CTSB: variants seen among roughly 807,000 people sequenced by gnomAD.
The protein encoded by CTSB is cathepsin B, also known as APP secretase.
A neutral mutation model predicts 44.3 loss-of-function variants in CTSB; 57 were observed. The ratio of observed to expected loss-of-function variants is 1.29; its 90% CI spans 1.04 to 1.60. The LOEUF is 1.60. Among genes scored for constraint, CTSB ranks in the 40% most tolerant of loss-of-function variants. CTSB has a pLI of 0.00. For missense variants in CTSB, 768 were observed against 443.0 expected, an observed-to-expected ratio of 1.73 and a Z score of -6.59; for synonymous variants, 320 against 168.0, an observed-to-expected ratio of 1.91 and a Z score of -7.00.
intron 3 of CTSB, among the ~76,000 whole-genome samples, chr8:11,851,790 C>G (rs1343999410): frequency 6.6e-6 from 1 of 152,096 alleles, no homozygotes; most frequent in Non-Finnish European, 1.5e-5. Flanking sequence ...CCTCAGCCTC[C>G]CGAGTAGCTG....
chr8:11,848,989 G>T, intron 5 of CTSB, 57 bp downstream of exon 5: 4 of 1,328,204 alleles, frequency 3.0e-6, no homozygotes, highest in South Asian at 1.2e-5. Context: ...CCACTGAGAA[G>T]CTGGGGCCCA....
rs1812900994 is a variant in CTSB, at chr8:11,844,691, C to T, written c.*434G>A. ...CTGGCGTTCTCCAAAGGGCTCCCAA[C>T]ACCGTCTCTCCTCTGATTTCTGTGA... is the stretch of plus-strand genomic sequence containing the variant. On this transcript the variant is annotated 3_prime_UTR_variant, in exon 10 of 10. Coordinates refer to ENST00000353047, the MANE Select transcript of CTSB (RefSeq NM_001908.5). The T allele has an allele frequency of 1.2e-5, 2 of 165,516 alleles. No homozygotes were observed. The highest frequency in any genetic ancestry group is 5.8e-5 in the Admixed American group (1 of 17,154). 10.3% of individuals were successfully genotyped at this position (165,516 alleles called of 1,614,324 possible). A position where few individuals can be genotyped will look rare whatever the true frequency, so the allele number is the denominator to read the frequency against.
intron 8 of CTSB, 138 bp from the exon 9 acceptor site, chr8:11,845,927 CA>C (rs1365454977): frequency 1.3e-5 from 13 of 992,768 alleles, no homozygotes; most frequent in South Asian, 6.2e-5. Flanking sequence ...CAGGAGGCTC[CA>C]GGGGGGGTCC....
intron 1 of CTSB, among the ~76,000 whole-genome samples, chr8:11,855,646 T>G (rs1247036713): frequency 6.6e-6 from 1 of 152,224 alleles, no homozygotes; most frequent in Non-Finnish European, 1.5e-5. Context: ...TACTTTAGGC[T>G]TCGTTTCCAC....
chr8:11,865,173 A>T (rs1402699911), intron 1 of CTSB, among the ~76,000 whole-genome samples: 3 of 152,042 alleles, frequency 2.0e-5, no homozygotes, highest in Non-Finnish European at 4.4e-5. Flanking sequence ...CTCCCTTTAC[A>T]TGGACCATGT....
intron 7 of CTSB, 61 bp downstream of exon 7, chr8:11,847,618 G>C (rs1262893800): frequency 7.4e-6 from 11 of 1,487,508 alleles, no homozygotes; most frequent in African/African-American, 1.4e-5. Flanking sequence ...TGCAGCGTGA[G>C]GAGGGATGCA....
At chr8:11,859,204 C>G (rs1052273523) in intron 1 of CTSB, among the ~76,000 whole-genome samples, 1 of 152,098 alleles carries the variant, frequency 6.6e-6, no homozygotes, top group Non-Finnish European at 1.5e-5. Flanking sequence ...TGAGAAAGCA[C>G]GCTCCACCCC....
At chr8:11,845,245 T>A (rs774447422) in intron 9 of CTSB, 23 bp from the exon 10 acceptor site, 22 of 1,567,416 alleles carry the variant, frequency 1.4e-5, no homozygotes, top group Middle Eastern at 3.3e-4. Context: ...AGTAAGGTGC[T>A]TTTAAAGTGT....
chr8:11,858,444 AC>A (rs1285394816), intron 1 of CTSB, among the ~76,000 whole-genome samples: 1 of 152,044 alleles, frequency 6.6e-6, no homozygotes, highest in African/African-American at 2.4e-5. Flanking sequence ...ACAGGCATAC[AC>A]CACTACGCCC....
Position 11,849,780 on chromosome 8 carries a change from C to T in CTSB, c.328-616G>A, listed in dbSNP as rs182516924. Among the ~76,000 whole-genome samples, 274 of 151,990 alleles carry T rather than the reference C, an allele frequency of 1.8e-3. 2 individuals are homozygous for T. The highest frequency in any genetic ancestry group is 6.0e-3 in the African/African-American group (250 of 41,492). On this transcript the variant is annotated intron_variant, in intron 4 of 9. Transcript: ENST00000353047. ...CTTTTTAGTAGAGACAGGGTTTCAC[C>T]ATGTTGGCCAGGTTGGTCTCAAACT...
At chr8:11,851,856 G>A (rs1457869345) in intron 3 of CTSB, among the ~76,000 whole-genome samples, 11 of 151,696 alleles carry the variant, frequency 7.3e-5, no homozygotes, top group South Asian at 2.1e-4. Context: ...TAGTAGAGAC[G>A]GGGTTTCATC....
At position 11,845,681 on chromosome 8, in the gene CTSB, T is replaced by C; in HGVS notation, c.902A>G (p.Asn301Ser). The change falls in exon 9 of 10, where the codon AAC becomes AGC. Residue 301 changes from asparagine (N) to serine (S), a missense_variant. By Grantham distance (46) the Asn-to-Ser change is conservative. Coordinates refer to ENST00000353047, the MANE Select transcript of CTSB (RefSeq NM_001908.5). The part of the protein sequence containing the change: ...TPYWLVANSW[N>S]TDWGDNGFFK... ...CTCACCATTGTCACCCCAGTCAGTG[T>C]TCCAGGAGTTGGCAACCAGCCAGTA... 1.2e-6 allele frequency: 2 copies of C among 1,613,844 alleles called. No individual in the cohort carries two copies. The highest frequency in any genetic ancestry group is 1.3e-5 in the African/African-American group (1 of 75,046).
intron 1 of CTSB, among the ~76,000 whole-genome samples, chr8:11,859,666 G>A (rs1291421964): frequency 6.7e-6 from 1 of 150,240 alleles, no homozygotes; most frequent in African/African-American, 2.4e-5. Context: ...TACTTGGGAG[G>A]CTGAGGCAGG....
At chr8:11,864,748 T>C (rs952755658) in intron 1 of CTSB, among the ~76,000 whole-genome samples, 1 of 151,864 alleles carries the variant, frequency 6.6e-6, no homozygotes, top group Non-Finnish European at 1.5e-5. Flanking sequence ...TTGAGGTCTC[T>C]ACTAAAAATA....
chr8:11,860,547 C>T (rs1232999791), intron 1 of CTSB, among the ~76,000 whole-genome samples: 3 of 152,144 alleles, frequency 2.0e-5, no homozygotes, highest in Non-Finnish European at 4.4e-5. Flanking sequence ...TTGCTTGAAC[C>T]CAGGAGGTGG....
intron 4 of CTSB, chr8:11,850,626 G>A (rs1814413838): frequency 2.8e-6 from 1 of 358,532 alleles, no homozygotes; most frequent in Non-Finnish European, 5.2e-6. Flanking sequence ...AAAGGGAGCT[G>A]CTTCGCCACC....
At position 11,868,033 on chromosome 8, in the gene CTSB, C is replaced by T. The variant is rs1817437216; in HGVS notation, c.-58G>A. On this transcript the variant is annotated 5_prime_UTR_variant, in exon 1 of 10. Transcript: ENST00000353047. ...TGCAGCCGAGAGCCTGCAGCCCAGC[C>T]TGCGCGCAGCGGAGCGGTTGGCGTT... 2 of 152,666 alleles carry T rather than the reference C, an allele frequency of 1.3e-5. No homozygotes were observed. The highest frequency in any genetic ancestry group is 4.1e-4 in the South Asian group (2 of 4,844). 9.5% of individuals were successfully genotyped at this position (152,666 alleles called of 1,614,324 possible).
intron 4 of CTSB, chr8:11,849,613 T>G (rs1353405270): frequency 6.5e-6 from 1 of 152,692 alleles, no homozygotes; most frequent in Non-Finnish European, 1.4e-5. Flanking sequence ...GGAGTTTCAC[T>G]TTTGTTGCCC....
At chr8:11,851,922 A>C (rs1056485807) in intron 3 of CTSB, among the ~76,000 whole-genome samples, 3 of 151,444 alleles carry the variant, frequency 2.0e-5, no homozygotes, top group African/African-American at 7.3e-5. Flanking sequence ...TTGCCTTGGC[A>C]TCCCAAAGTG....
Sources: allele counts gnomAD v4.1 joint callset (sites outside exome capture counted in the v4.1 genomes callset), GRCh38; gene constraint gnomAD v4.1.1; transcripts MANE v1.5; gene names NCBI Gene and HGNC (gene_info 2026-07-23, HGNC 2026-07-21).